The following OR51L1 variants were observed in gnomAD, a reference collection of about 807,000 sequenced individuals.
The protein encoded by OR51L1 is olfactory receptor 51L1.
Under a neutral mutation model 1.4 loss-of-function variants are expected in OR51L1, and 1 was observed. The observed-to-expected ratio is 0.72, with a 90% CI of 0.26 to 3.42. The LOEUF (loss-of-function observed/expected upper bound fraction) is 3.42. OR51L1 is among the 30% of genes most tolerant of loss of function. OR51L1 has a pLI of 0.20. For missense variants in OR51L1, 378 were observed against 380.0 expected, an observed-to-expected ratio of 0.99 and a Z score of 0.04; for synonymous variants, 156 against 144.2, an observed-to-expected ratio of 1.08 and a Z score of -0.59.
At position 5,002,100 on chromosome 11, in the gene OR51L1, A is replaced by G. The variant is rs1207613065; in HGVS notation, c.*2170A>G. The G allele has an allele frequency of 6.6e-6, 1 of 152,208 alleles. No individual in the cohort carries two copies. The highest frequency in any genetic ancestry group is 2.4e-5 in the African/African-American group (1 of 41,456). The allele number at this position is 152,208 out of a possible 1,614,324, so 9.4% of individuals were successfully genotyped here. A position where few individuals can be genotyped will look rare whatever the true frequency, so the allele number is the denominator to read the frequency against. ...AATTCATTCTTGACCAGTTGAACACAGTTGGAAATAAAGTGGCGTACCAAA... is the reference window on the plus strand; with the variant it reads ...AATTCATTCTTGACCAGTTGAACACGGTTGGAAATAAAGTGGCGTACCAAA... On this transcript the variant is annotated 3_prime_UTR_variant, in exon 3 of 3. Coordinates refer to ENST00000641819, the MANE Select transcript of OR51L1 (RefSeq NM_001004755.2).
At position 4,999,617 on chromosome 11, in the gene OR51L1, A is replaced by T. The variant is rs745966847; in HGVS notation, c.635A>T (p.Asp212Val). ...GTAGTCATTGCCACACTAGGTGTGG[A>T]TTCAATCTTCATACTTCTTTCTTAT... ...LCVVIATLGV[D>V]SIFILLSYVL... is the part of the protein sequence containing the mutation. Residue 212 changes from aspartate (D) to valine (V), a missense_variant, in exon 3 of 3, where the codon GAT becomes GTT. By Grantham distance (152) the Asp-to-Val change is radical. Transcript: ENST00000641819. 9.9e-6 allele frequency: 16 copies of T among 1,613,546 alleles called. No individual in the cohort carries two copies. The highest frequency in any genetic ancestry group is 5.0e-5 in the Admixed American group (3 of 59,976).
Position 5,003,084 on chromosome 11 carries a change from A to G in OR51L1, c.*3154A>G, listed in dbSNP as rs1288543398. ...ATAAGGCAGAGAAAGAGATCAAGGC[A>G]AGTTTCGAGCAGGAGTGGAAGTTTA... On this transcript the variant is annotated 3_prime_UTR_variant, in exon 3 of 3. Transcript: ENST00000641819. The G allele has an allele frequency of 6.6e-6, 1 of 152,212 alleles. No individual in the cohort carries two copies. The highest frequency in any genetic ancestry group is 2.4e-5 in the African/African-American group (1 of 41,450). The allele number at this position is 152,212 out of a possible 1,614,324, so 9.4% of individuals were successfully genotyped here. A position where few individuals can be genotyped will look rare whatever the true frequency, so the allele number is the denominator to read the frequency against.
rs1394797702 is a variant in OR51L1, at chr11:5,001,286, A to G, written c.*1356A>G. ...CTTGCAGGTGGTTTGGCCAGTGGAA[A>G]GAAAGGAATGTAAAGGTCGTAATTG... On this transcript the variant is annotated 3_prime_UTR_variant, in exon 3 of 3. Transcript: ENST00000641819. The G allele has an allele frequency of 6.6e-6, 1 of 152,212 alleles. No individual in the cohort carries two copies. Among genetic ancestry groups the G allele is most frequent in the African/African-American group, 2.4e-5 (1 of 41,444 alleles). 9.4% of individuals were successfully genotyped at this position (152,212 alleles called of 1,614,324 possible). A position where few individuals can be genotyped will look rare whatever the true frequency, so the allele number is the denominator to read the frequency against.
rs1253416697 is a variant in OR51L1 at position 5,001,658 on chromosome 11, T to A, written c.*1728T>A. 1 of 152,216 alleles carries A rather than the reference T, an allele frequency of 6.6e-6. No homozygotes were observed. Among genetic ancestry groups the A allele is most frequent in the Admixed American group, 6.5e-5 (1 of 15,284 alleles). The allele number at this position is 152,216 out of a possible 1,614,324, so 9.4% of individuals were successfully genotyped here. A position where few individuals can be genotyped will look rare whatever the true frequency, so the allele number is the denominator to read the frequency against. On this transcript the variant is annotated 3_prime_UTR_variant, in exon 3 of 3. Coordinates refer to ENST00000641819, the MANE Select transcript of OR51L1 (RefSeq NM_001004755.2). Reference sequence around the variant, plus strand: ...TTTTTTCTTTTTCACTAGAATGAACTACAGATATGTTTTTATGGGTGATAT... The same window carrying A: ...TTTTTTCTTTTTCACTAGAATGAACAACAGATATGTTTTTATGGGTGATAT...
Position 5,001,663 on chromosome 11 carries a change from A to G in OR51L1, c.*1733A>G, listed in dbSNP as rs943673798. On this transcript the variant is annotated 3_prime_UTR_variant, in exon 3 of 3. Transcript: ENST00000641819. ...TCTTTTTCACTAGAATGAACTACAG[A>G]TATGTTTTTATGGGTGATATTTTAT... 2 of 152,096 alleles carry G rather than the reference A, an allele frequency of 1.3e-5. No individual in the cohort carries two copies. 9.4% of individuals were successfully genotyped at this position (152,096 alleles called of 1,614,324 possible).
intron 2 of OR51L1, among the ~76,000 whole-genome samples, chr11:4,998,127 T>C (rs10837107): frequency 0.28 from 42,698 of 151,542 alleles, 6,227 homozygotes; most frequent in Middle Eastern, 0.33. Context: ...TAATGGACTT[T>C]CGTAGTTATA....
chr11:4,996,721 T>TTTTC (rs61073391), intron 1 of OR51L1, among the ~76,000 whole-genome samples: 6,161 of 106,074 alleles, frequency 0.058, 261 homozygotes, highest in East Asian at 0.17. Context: ...CTTTCTTTTC[T>TTTTC]TTTCTTTCTT....
Position 4,999,703 on chromosome 11 carries a change from A to T in OR51L1, c.721A>T (p.Asn241Tyr), listed in dbSNP as rs61729748. 0.025 allele frequency: 40,980 copies of T among 1,613,938 alleles called. 957 individuals are homozygous for T. Among genetic ancestry groups the T allele is most frequent in the Admixed American group, 0.12 (7,057 of 59,976 alleles). ...ASREEQLKAL[N>Y]TCVSHICVVL... The stretch of plus-strand genomic sequence containing the variant: ...TCGTGAAGAGCAGCTAAAGGCACTC[A>T]ACACATGTGTATCCCATATCTGTGT... Residue 241 changes from asparagine (N) to tyrosine (Y), a missense_variant, in exon 3 of 3, where the codon AAC (asparagine) becomes TAC (tyrosine). Asn to Tyr is a moderately radical substitution (Grantham distance 143). Transcript: ENST00000641819.
rs537577502 is a variant in OR51L1 at position 5,004,141 on chromosome 11, C to T, written c.*4211C>T. On this transcript the variant is annotated 3_prime_UTR_variant, in exon 3 of 3. Coordinates refer to ENST00000641819, the MANE Select transcript of OR51L1 (RefSeq NM_001004755.2). Reference sequence around the variant, plus strand: ...ACTTGGAAAATGGGGAAGGTACTCCCCAAGCCCGAGGTTGAAACTTCATTT... The same window carrying T: ...ACTTGGAAAATGGGGAAGGTACTCCTCAAGCCCGAGGTTGAAACTTCATTT... 1.2e-4 allele frequency: 18 copies of T among 152,230 alleles called. No homozygotes were observed. Among genetic ancestry groups the T allele is most frequent in the Admixed American group, 3.9e-4 (6 of 15,290 alleles). 9.4% of individuals were successfully genotyped at this position (152,230 alleles called of 1,614,324 possible).
chr11:4,996,709 TC>T (rs1554896474), intron 1 of OR51L1, among the ~76,000 whole-genome samples: 2 of 119,456 alleles, frequency 1.7e-5, no homozygotes, highest in Non-Finnish European at 3.7e-5. Flanking sequence ...TTTCCTTCCT[TC>T]CTTTCTTTTC....
In OR51L1 at chr11:5,001,310, T is replaced by A. The variant is rs1300981760; in HGVS notation, c.*1380T>A. On this transcript the variant is annotated 3_prime_UTR_variant, in exon 3 of 3. Coordinates refer to ENST00000641819, the MANE Select transcript of OR51L1 (RefSeq NM_001004755.2). ...AAGAAAGGAATGTAAAGGTCGTAAT[T>A]GCATTACTAAAGAGCAAAATAAGAG... is the stretch of plus-strand genomic sequence containing the variant. The A allele has an allele frequency of 3.3e-5, 5 of 152,132 alleles. No homozygotes were observed. The highest frequency in any genetic ancestry group is 3.3e-4 in the Admixed American group (5 of 15,272). 9.4% of individuals were successfully genotyped at this position (152,132 alleles called of 1,614,324 possible). A position where few individuals can be genotyped will look rare whatever the true frequency, so the allele number is the denominator to read the frequency against.
Position 4,998,895 on chromosome 11 carries a change from T to C in OR51L1, c.-88T>C. The C allele has an allele frequency of 7.1e-7, 1 of 1,410,310 alleles. No individual in the cohort carries two copies. The highest frequency in any genetic ancestry group is 9.7e-7 in the Non-Finnish European group (1 of 1,033,476). 87.4% of individuals were successfully genotyped at this position (1,410,310 alleles called of 1,614,324 possible). On this transcript the variant is annotated 5_prime_UTR_variant, in exon 3 of 3. Coordinates refer to ENST00000641819, the MANE Select transcript of OR51L1 (RefSeq NM_001004755.2). Reference sequence around the variant, plus strand: ...AGATGTATTTTTGTCCTCATTCCATTATTTGTACTCAAAAGAGATAACTTT... The same window carrying C: ...AGATGTATTTTTGTCCTCATTCCATCATTTGTACTCAAAAGAGATAACTTT...
At chr11:4,996,275 T>C (rs142407658) in intron 1 of OR51L1, among the ~76,000 whole-genome samples, 1,617 of 152,124 alleles carry the variant, frequency 0.011, 23 homozygotes, top group African/African-American at 0.037. Context: ...CACAGGCACA[T>C]AGTAATGACC....
chr11:4,996,769 C>CTTTCTTTCTTTCTTTCTTT (rs1554896491), intron 1 of OR51L1, among the ~76,000 whole-genome samples: 4 of 84,696 alleles, frequency 4.7e-5, no homozygotes, highest in Admixed American at 1.2e-4. Flanking sequence ...TTCTTTCTTT[C>CTTTCTTTCTTTCTTTCTTT]ATTTCTCTCT....
Position 5,004,941 on chromosome 11 carries a change from T to C in OR51L1, c.*5011T>C, listed in dbSNP as rs1164175998. ...AGAACTATGTAAAAGAAAATAAAAA[T>C]TGAAGGACCCCCCAAACTTGTGCAG... On this transcript the variant is annotated 3_prime_UTR_variant, in exon 3 of 3. Coordinates refer to ENST00000641819, the MANE Select transcript of OR51L1 (RefSeq NM_001004755.2). 6.6e-6 allele frequency: 1 copy of C among 152,108 alleles called. No homozygotes were observed. Among genetic ancestry groups the C allele is most frequent in the Non-Finnish European group, 1.5e-5 (1 of 68,010 alleles). The allele number at this position is 152,108 out of a possible 1,614,324, so 9.4% of individuals were successfully genotyped here.
In OR51L1 at chr11:4,998,885, C is replaced by T; in HGVS notation, c.-98C>T. ...GTTAGACGAAAGATGTATTTTTGTCCTCATTCCATTATTTGTACTCAAAAG... is the reference window on the plus strand; with the variant it reads ...GTTAGACGAAAGATGTATTTTTGTCTTCATTCCATTATTTGTACTCAAAAG... On this transcript the variant is annotated 5_prime_UTR_variant, in exon 3 of 3. Transcript: ENST00000641819. The T allele has an allele frequency of 2.2e-6, 3 of 1,337,044 alleles. No individual in the cohort carries two copies. The highest frequency in any genetic ancestry group is 2.1e-6 in the Non-Finnish European group (2 of 970,136). The allele number at this position is 1,337,044 out of a possible 1,614,324, so 82.8% of individuals were successfully genotyped here. A position where few individuals can be genotyped will look rare whatever the true frequency, so the allele number is the denominator to read the frequency against.
At position 4,994,991 on chromosome 11, in the gene OR51L1, G is replaced by A. The variant is rs1035643136; in HGVS notation, c.-606G>A. 1 of 152,110 alleles carries A rather than the reference G, an allele frequency of 6.6e-6. No individual in the cohort carries two copies. The highest frequency in any genetic ancestry group is 2.4e-5 in the African/African-American group (1 of 41,398). 9.4% of individuals were successfully genotyped at this position (152,110 alleles called of 1,614,324 possible). ...CGTAAGAGCAGCAACTTAAACCACA[G>A]ACACACAAAGAGAAATTAGAAGAAA... On this transcript the variant is annotated 5_prime_UTR_variant, in exon 1 of 3. Coordinates refer to ENST00000641819, the MANE Select transcript of OR51L1 (RefSeq NM_001004755.2).
chr11:4,997,708 G>A (rs1462645997), intron 2 of OR51L1, 125 bp downstream of exon 2: 1 of 152,204 alleles, frequency 6.6e-6, no homozygotes, highest in Non-Finnish European at 1.5e-5. Context: ...CATCAACACA[G>A]TATGATACAG....
Position 4,998,893 on chromosome 11 carries a change from A to T in OR51L1, c.-90A>T. On this transcript the variant is annotated 5_prime_UTR_variant, in exon 3 of 3. Transcript: ENST00000641819. The stretch of plus-strand genomic sequence containing the variant: ...AAAGATGTATTTTTGTCCTCATTCC[A>T]TTATTTGTACTCAAAAGAGATAACT... 2.1e-6 allele frequency: 3 copies of T among 1,400,122 alleles called. No homozygotes were observed. Among genetic ancestry groups the T allele is most frequent in the Non-Finnish European group, 2.9e-6 (3 of 1,024,714 alleles). The allele number at this position is 1,400,122 out of a possible 1,614,324, so 86.7% of individuals were successfully genotyped here.
Sources: allele counts gnomAD v4.1 joint callset (sites outside exome capture counted in the v4.1 genomes callset), GRCh38; gene constraint gnomAD v4.1.1; transcripts MANE v1.5; gene names NCBI Gene and HGNC (gene_info 2026-07-23, HGNC 2026-07-21).